Variants in HSD17B2 observed in about 807,000 individuals in gnomAD.
HSD17B2 encodes 17-beta-hydroxysteroid dehydrogenase type 2.
Under a neutral mutation model 26.9 loss-of-function variants are expected in HSD17B2, and 32 were observed. The ratio of observed to expected loss-of-function variants is 1.19; its 90% CI spans 0.90 to 1.60. HSD17B2 has a LOEUF of 1.60. Among genes scored for constraint, HSD17B2 ranks in the 40% most tolerant of loss-of-function variants. The pLI is 0.00. For missense variants in HSD17B2, 613 were observed against 468.6 expected, an observed-to-expected ratio of 1.31 and a Z score of -2.85; for synonymous variants, 246 against 186.7, an observed-to-expected ratio of 1.32 and a Z score of -2.59.
At chr16:82,097,355 A>AT (rs1904879614) in intron 4 of HSD17B2, 1 of 88,820 alleles carries the variant, frequency 1.1e-5, no homozygotes, top group Admixed American at 1.1e-4. Flanking sequence ...ATGTGTACAC[A>AT]CACACACACA....
chr16:82,072,353 G>A (rs1054350413), intron 3 of HSD17B2, among the ~76,000 whole-genome samples: 1 of 152,188 alleles, frequency 6.6e-6, no homozygotes, highest in Non-Finnish European at 1.5e-5. Flanking sequence ...AATGAATCCT[G>A]AGAAAACACA....
chr16:82,094,799 G>A (rs1229382067), intron 4 of HSD17B2: 1 of 152,184 alleles, frequency 6.6e-6, no homozygotes, highest in Non-Finnish European at 1.5e-5. Context: ...TAGATTAGCA[G>A]ATTTTAAGTG....
intron 1 of HSD17B2, among the ~76,000 whole-genome samples, chr16:82,060,659 T>C (rs1914410523): frequency 6.6e-6 from 1 of 152,228 alleles, no homozygotes; most frequent in African/African-American, 2.4e-5. Flanking sequence ...TTTGTGTTTG[T>C]CCGTTCTACC....
intron 1 of HSD17B2, among the ~76,000 whole-genome samples, chr16:82,067,313 T>C (rs1292250506): frequency 1.7e-4 from 26 of 152,324 alleles, no homozygotes; most frequent in Non-Finnish European, 8.8e-5. Flanking sequence ...ACGTTAACTG[T>C]TATATGTTTA....
intron 1 of HSD17B2, among the ~76,000 whole-genome samples, chr16:82,039,286 C>T (rs977085036): frequency 1.3e-5 from 2 of 151,958 alleles, no homozygotes; most frequent in East Asian, 1.9e-4. Context: ...CAAACACACA[C>T]ACACCCCTGC....
At chr16:82,045,670 T>C (rs1913904742) in intron 1 of HSD17B2, among the ~76,000 whole-genome samples, 1 of 152,266 alleles carries the variant, frequency 6.6e-6, no homozygotes, top group Non-Finnish European at 1.5e-5. Context: ...TTTTGCACTC[T>C]GACTGTTTCT....
intron 4 of HSD17B2, chr16:82,094,051 T>G (rs1904768685): frequency 6.6e-6 from 1 of 152,252 alleles, no homozygotes; most frequent in Admixed American, 6.5e-5. Context: ...TGTTGCCATC[T>G]TGATTTTGGT....
At position 82,098,401 on chromosome 16, in the gene HSD17B2, C is replaced by A; in HGVS notation, c.1129C>A (p.Leu377Ile). ...CCAAGACAAGCCCATGCCCAGAGCT[C>A]TAAGAATGCCTAACTACAAGAAAAA... ...FGQDKPMPRA[L>I]RMPNYKKKAT The change falls in exon 5 of 5, where the codon CTA becomes ATA. Residue 377 changes from leucine to isoleucine, a missense_variant. By Grantham distance (5) the Leu-to-Ile change is conservative. Coordinates refer to ENST00000199936, the MANE Select transcript of HSD17B2 (RefSeq NM_002153.3). 1 of 1,610,534 alleles carries A rather than the reference C, an allele frequency of 6.2e-7. No homozygotes were observed. Among genetic ancestry groups the A allele is most frequent in the Middle Eastern group, 1.7e-4 (1 of 6,032 alleles).
At chr16:82,070,675 T>A in intron 2 of HSD17B2, 1 of 474,076 alleles carries the variant, frequency 2.1e-6, no homozygotes, top group East Asian at 3.5e-5. Context: ...TTGCAATACC[T>A]GCTGGTTCAC....
chr16:82,087,316 T>C (rs1368104493), intron 3 of HSD17B2, among the ~76,000 whole-genome samples: 1 of 152,116 alleles, frequency 6.6e-6, no homozygotes, highest in Non-Finnish European at 1.5e-5. Flanking sequence ...AAATTAAAAG[T>C]TAAATTAAAA....
intron 1 of HSD17B2, among the ~76,000 whole-genome samples, chr16:82,037,906 A>C (rs916517234): frequency 3.3e-5 from 5 of 152,234 alleles, no homozygotes; most frequent in African/African-American, 1.2e-4. Context: ...TGGTTGGATT[A>C]GTGTGCTGGA....
At chr16:82,073,164 C>A (rs983370156) in intron 3 of HSD17B2, among the ~76,000 whole-genome samples, 7 of 152,124 alleles carry the variant, frequency 4.6e-5, no homozygotes, top group Non-Finnish European at 8.8e-5. Flanking sequence ...CATGTATTTT[C>A]ATTGAAGGGA....
At chr16:82,049,887 T>C (rs1198170467) in intron 1 of HSD17B2, among the ~76,000 whole-genome samples, 1 of 152,238 alleles carries the variant, frequency 6.6e-6, no homozygotes, top group African/African-American at 2.4e-5. Context: ...AGAGAAGGTC[T>C]CCACCTCGGG....
chr16:82,057,756 G>C (rs1199134281), intron 1 of HSD17B2, among the ~76,000 whole-genome samples: 1 of 152,132 alleles, frequency 6.6e-6, no homozygotes, highest in Non-Finnish European at 1.5e-5. Flanking sequence ...GTCTAATCAG[G>C]AGAAAAGCAT....
chr16:82,085,693 G>A (rs1430168765), intron 3 of HSD17B2, among the ~76,000 whole-genome samples: 1 of 152,056 alleles, frequency 6.6e-6, no homozygotes, highest in Non-Finnish European at 1.5e-5. Context: ...ATCACTTGGA[G>A]ATCTTGCTAA....
intron 1 of HSD17B2, among the ~76,000 whole-genome samples, chr16:82,066,020 C>T (rs1914562986): frequency 6.6e-6 from 1 of 152,222 alleles, no homozygotes; most frequent in African/African-American, 2.4e-5. Context: ...CTGGCCTCAG[C>T]ACTGTGGATC....
At chr16:82,041,055 G>C (rs915379138) in intron 1 of HSD17B2, among the ~76,000 whole-genome samples, 3 of 152,122 alleles carry the variant, frequency 2.0e-5, no homozygotes, top group Admixed American at 2.0e-4. Flanking sequence ...GATAACCCGG[G>C]TAATTTTGTG....
chr16:82,070,593 G>C (rs186830739), intron 2 of HSD17B2, among the ~76,000 whole-genome samples: 122 of 152,346 alleles, frequency 8.0e-4, no homozygotes, highest in African/African-American at 2.9e-3. Flanking sequence ...CCCTATCAGT[G>C]GTTCCCTATC....
At chr16:82,054,052 G>A (rs984914588) in intron 1 of HSD17B2, among the ~76,000 whole-genome samples, 4 of 152,016 alleles carry the variant, frequency 2.6e-5, no homozygotes, top group Non-Finnish European at 5.9e-5. Context: ...GCCTTCAACA[G>A]CATGTCTACA....
Sources: allele counts gnomAD v4.1 joint callset (sites outside exome capture counted in the v4.1 genomes callset), GRCh38; gene constraint gnomAD v4.1.1; transcripts MANE v1.5; gene names NCBI Gene and HGNC (gene_info 2026-07-23, HGNC 2026-07-21).